The following ARHGAP29 variants were observed in gnomAD, a reference collection of about 807,000 sequenced individuals.
ARHGAP29 encodes rho GTPase-activating protein 29.
Under a neutral mutation model 122.6 loss-of-function variants are expected in ARHGAP29, and 43 were observed. The observed-to-expected ratio is 0.35, with a 90% CI of 0.27 to 0.45. ARHGAP29 has a LOEUF of 0.45. Among genes scored for constraint, ARHGAP29 ranks in the 20% least tolerant of loss-of-function variants. ARHGAP29 has a pLI of 1.00. For missense variants in ARHGAP29, 1,303 were observed against 1,477.2 expected, an observed-to-expected ratio of 0.88 and a Z score of 1.93; for synonymous variants, 506 against 497.1, an observed-to-expected ratio of 1.02 and a Z score of -0.24.
At chr1:94,286,695 T>A in the ARHGAP29 span, among the ~76,000 whole-genome samples, 1 of 151,592 alleles carries the variant, frequency 6.6e-6, no homozygotes, top group Non-Finnish European at 1.5e-5. Context: ...AAAAGTGAGG[T>A]CAGAAGAAAC....
chr1:94,262,805 A>G (rs1474640066), intron 1 of ARHGAP29, among the ~76,000 whole-genome samples: 1 of 152,194 alleles, frequency 6.6e-6, no homozygotes, highest in Non-Finnish European at 1.5e-5. Flanking sequence ...TGTTGGTGGG[A>G]GTGTAAATTA....
chr1:94,184,102 T>A (rs1455926517), intron 19 of ARHGAP29, 49 bp downstream of exon 19: 1 of 1,572,206 alleles, frequency 6.4e-7, no homozygotes, highest in African/African-American at 1.4e-5. Context: ...CAAATCATAT[T>A]TTTGCTGTTT....
chr1:94,252,234 A>G (rs891036378), intron 1 of ARHGAP29, among the ~76,000 whole-genome samples: 1 of 152,218 alleles, frequency 6.6e-6, no homozygotes, highest in Non-Finnish European at 1.5e-5. Context: ...TGAAAGAGCC[A>G]TAAGTAACTC....
Position 94,231,485 on chromosome 1 carries a change from C to A in ARHGAP29, c.127G>T (p.Asp43Tyr). ...SLSSNSIFDP[D>Y]YIKELVNDIR... is the part of the protein sequence containing the mutation. Reference sequence around the variant, plus strand: ...TCATTCACCAACTCCTTGATGTAATCCGGATCAAAAATAGAGTTGGAACTT... The same window carrying A: ...TCATTCACCAACTCCTTGATGTAATACGGATCAAAAATAGAGTTGGAACTT... The change falls in exon 2 of 23, where the codon GAT becomes TAT. Residue 43 changes from aspartate (D) to tyrosine (Y), a missense_variant. By Grantham distance (160) the Asp-to-Tyr change is radical. This residue lies in a region of ARHGAP29 where 592 missense variants were observed against 648.2 expected (regional missense o/e 0.91). Transcript: ENST00000260526. The A allele has an allele frequency of 1.2e-6, 2 of 1,613,768 alleles. No individual in the cohort carries two copies. The highest frequency in any genetic ancestry group is 2.2e-5 in the South Asian group (2 of 91,066).
chr1:94,177,970 T>C lies in ARHGAP29; in HGVS notation c.2678A>G (p.Gln893Arg), dbSNP rs143877998. The C allele has an allele frequency of 6.2e-7, 1 of 1,614,136 alleles. No homozygotes were observed. The highest frequency in any genetic ancestry group is 8.5e-7 in the Non-Finnish European group (1 of 1,180,020). The change falls in exon 21 of 23, where the codon CAA (glutamine) becomes CGA (arginine). Residue 893 changes from glutamine to arginine, a missense_variant. Gln to Arg is a conservative substitution (Grantham distance 43). Transcript: ENST00000260526. ...AACACCTATGCTACACATAACATCT[T>C]GTGGTTGTAGGGACCCATCGAAGAT... ...QKIFDGSLQPQDVMCSIGVVD... is the reference protein window; with the variant it reads ...QKIFDGSLQPRDVMCSIGVVD...
chr1:94,301,291 A>G, the ARHGAP29 span, among the ~76,000 whole-genome samples: 1 of 152,196 alleles, frequency 6.6e-6, no homozygotes, highest in African/African-American at 2.4e-5. Flanking sequence ...AGTTCCAGAC[A>G]TGCAATTCCA....
chr1:94,234,476 GCTCCT>G (rs1413056123), intron 1 of ARHGAP29, among the ~76,000 whole-genome samples: 1 of 152,080 alleles, frequency 6.6e-6, no homozygotes, highest in Non-Finnish European at 1.5e-5. Context: ...TTCTATTATT[GCTCCT>G]CCTGATTATT....
At chr1:94,306,770 GA>G in the ARHGAP29 span, among the ~76,000 whole-genome samples, 2 of 152,110 alleles carry the variant, frequency 1.3e-5, no homozygotes, top group Non-Finnish European at 2.9e-5. Flanking sequence ...TCCAAAGAAA[GA>G]AAACGTTAGG....
upstream of ARHGAP29, among the ~76,000 whole-genome samples, chr1:94,279,954 G>A (rs1655296434): frequency 6.6e-6 from 1 of 151,754 alleles, no homozygotes; most frequent in Non-Finnish European, 1.5e-5. Context: ...CCCGCAAGTT[G>A]TTTGTTCTTT....
chr1:94,210,869 C>T (rs973614125), intron 3 of ARHGAP29, among the ~76,000 whole-genome samples: 1 of 149,066 alleles, frequency 6.7e-6, no homozygotes. Context: ...CACCACTGCA[C>T]TCCAGCCTGA....
At chr1:94,188,792 G>T in intron 15 of ARHGAP29, 45 bp downstream of exon 15, 1 of 1,476,126 alleles carries the variant, frequency 6.8e-7, no homozygotes, top group Non-Finnish European at 9.4e-7. Flanking sequence ...AAAAAGGACT[G>T]ATCTTTCAAT....
chr1:94,214,305 C>T (rs897899382), intron 3 of ARHGAP29, among the ~76,000 whole-genome samples: 3 of 152,162 alleles, frequency 2.0e-5, no homozygotes, highest in Non-Finnish European at 4.4e-5. Flanking sequence ...GTTCATAGAG[C>T]TTTCTCCACT....
chr1:94,277,824 C>CTAAG (rs1655240760), upstream of ARHGAP29, among the ~76,000 whole-genome samples: 1 of 152,140 alleles, frequency 6.6e-6, no homozygotes. Flanking sequence ...TTCCCTAAGT[C>CTAAG]TAAGATCTTT....
At chr1:94,281,726 A>C in the ARHGAP29 span, among the ~76,000 whole-genome samples, 1 of 152,162 alleles carries the variant, frequency 6.6e-6, no homozygotes, top group Non-Finnish European at 1.5e-5. Flanking sequence ...GACCAGTTAC[A>C]TGAAGTTGGG....
At chr1:94,176,325 T>C (rs1649092699) in intron 22 of ARHGAP29, among the ~76,000 whole-genome samples, 1 of 152,216 alleles carries the variant, frequency 6.6e-6, no homozygotes, top group Non-Finnish European at 1.5e-5. Flanking sequence ...AATTATCTTG[T>C]ATGTAATAAA....
the ARHGAP29 span, among the ~76,000 whole-genome samples, chr1:94,311,559 G>A: frequency 3.9e-5 from 6 of 152,202 alleles, no homozygotes; most frequent in African/African-American, 9.6e-5. Flanking sequence ...ATGGGGTCTG[G>A]AGTTTGGTGC....
chr1:94,271,428 G>T (rs1387684191), intron 1 of ARHGAP29, among the ~76,000 whole-genome samples: 3 of 152,206 alleles, frequency 2.0e-5, no homozygotes, highest in African/African-American at 7.2e-5. Context: ...ATACTAGTAA[G>T]AGAAGATTAT....
At chr1:94,235,268 T>C (rs976427935) in intron 1 of ARHGAP29, among the ~76,000 whole-genome samples, 1 of 152,214 alleles carries the variant, frequency 6.6e-6, no homozygotes, top group Non-Finnish European at 1.5e-5. Flanking sequence ...ACTATGATAA[T>C]GAGAAGCTGG....
chr1:94,225,491 T>C (rs1333721149), intron 2 of ARHGAP29, among the ~76,000 whole-genome samples: 1 of 152,088 alleles, frequency 6.6e-6, no homozygotes. Flanking sequence ...TGAAAACAGA[T>C]TTGCCTCACA....
Sources: allele counts gnomAD v4.1 joint callset (sites outside exome capture counted in the v4.1 genomes callset), GRCh38; gene constraint gnomAD v4.1.1; regional missense constraint gnomAD v4.1.1; transcripts MANE v1.5; gene names NCBI Gene and HGNC (gene_info 2026-07-23, HGNC 2026-07-21).